ARRB1: variants seen among roughly 807,000 people sequenced by gnomAD.
The protein encoded by ARRB1 is arrestin beta 1.
In ARRB1, 21 loss-of-function variants were observed where a neutral mutation model predicts 56.8. The observed-to-expected ratio is 0.37, with a 90% CI of 0.26 to 0.53. The LOEUF (loss-of-function observed/expected upper bound fraction) is 0.53. Among genes scored for constraint, ARRB1 ranks in the 20% least tolerant of loss-of-function variants. The pLI, the probability that ARRB1 is intolerant of heterozygous loss-of-function variation, is 0.88. For missense variants in ARRB1, 424 were observed against 553.7 expected (o/e 0.77, Z 2.35); for synonymous variants, 210 against 218.6 (o/e 0.96, Z 0.35).
At chr11:75,299,689 T>C (rs1591943894) in intron 1 of ARRB1, among the ~76,000 whole-genome samples, 1 of 152,266 alleles carries the variant, frequency 6.6e-6, no homozygotes, top group Non-Finnish European at 1.5e-5. Flanking sequence ...GTGTCCCCAT[T>C]CATAGCACTT....
intron 13 of ARRB1, 122 bp downstream of exon 13, chr11:75,271,579 G>T: frequency 1.8e-6 from 2 of 1,106,600 alleles, no homozygotes; most frequent in Non-Finnish European, 2.5e-6. Context: ...CCTGAACCTG[G>T]CTATCTGAAA....
intron 2 of ARRB1, among the ~76,000 whole-genome samples, chr11:75,288,925 C>T (rs1484695679): frequency 6.6e-6 from 1 of 152,220 alleles, no homozygotes; most frequent in Non-Finnish European, 1.5e-5. Flanking sequence ...CTACTGCCGC[C>T]TGAAACCCAT....
intron 1 of ARRB1, among the ~76,000 whole-genome samples, chr11:75,292,267 G>A (rs1020283261): frequency 4.6e-5 from 7 of 152,076 alleles, no homozygotes; most frequent in Non-Finnish European, 8.8e-5. Context: ...AGCCTCCCCT[G>A]TAGCTAGGAT....
intron 1 of ARRB1, among the ~76,000 whole-genome samples, chr11:75,296,723 G>C (rs1946759068): frequency 6.6e-6 from 1 of 151,928 alleles, no homozygotes; most frequent in Non-Finnish European, 1.5e-5. Flanking sequence ...TGTCACCCAG[G>C]CTGGAGTACA....
chr11:75,321,570 G>T (rs1947350306), intron 1 of ARRB1, among the ~76,000 whole-genome samples: 1 of 152,052 alleles, frequency 6.6e-6, no homozygotes, highest in Non-Finnish European at 1.5e-5. Context: ...GGAATTTAGG[G>T]GTCCTTCTTT....
At position 75,263,538 on chromosome 11, in the gene ARRB1, C is replaced by G. The variant is rs967420978; in HGVS notation, c.*2625G>C. ...ATCAAGGCACCATAGGGACCAGCAG[C>G]CACCAGGAGCCCTGAAGGCAACTGC... On this transcript the variant is annotated 3_prime_UTR_variant, in exon 16 of 16. Transcript: ENST00000420843. 1.3e-5 allele frequency among the ~76,000 whole-genome samples: 2 copies of G among 152,232 alleles called. No homozygotes were observed. The highest frequency in any genetic ancestry group is 4.8e-5 in the African/African-American group (2 of 41,452).
intron 1 of ARRB1, among the ~76,000 whole-genome samples, chr11:75,344,223 G>T (rs913915281): frequency 6.6e-6 from 1 of 152,078 alleles, no homozygotes; most frequent in African/African-American, 2.4e-5. Context: ...TTCCTTCCTG[G>T]CCGCCAGCAC....
rs940442200 is a variant in ARRB1 at position 75,306,136 on chromosome 11, C to T, written c.21-16097G>A. ...CGCTGGAGGCCCTGGCCACCTGACTCCCCATCCCTGCTCTGTGCCCAGCTC... is the reference window on the plus strand; with the variant it reads ...CGCTGGAGGCCCTGGCCACCTGACTTCCCATCCCTGCTCTGTGCCCAGCTC... On this transcript the variant is annotated intron_variant, in intron 1 of 15. Transcript: ENST00000420843. Among the ~76,000 whole-genome samples, 7 of 152,272 alleles carry T rather than the reference C, an allele frequency of 4.6e-5. No homozygotes were observed. The South Asian group carries it at 1.5e-3, about 32-fold the overall frequency.
intron 13 of ARRB1, among the ~76,000 whole-genome samples, chr11:75,269,726 C>T (rs1413020622): frequency 1.3e-5 from 2 of 152,216 alleles, no homozygotes; most frequent in Non-Finnish European, 2.9e-5. Context: ...ATTATTATCC[C>T]CAATGTACAG....
At chr11:75,331,012 T>C (rs1428034978) in intron 1 of ARRB1, among the ~76,000 whole-genome samples, 8 of 152,222 alleles carry the variant, frequency 5.3e-5, no homozygotes, top group African/African-American at 1.9e-4. Context: ...ATTTCAGATG[T>C]TGAGGACTAA....
chr11:75,289,924 G>T, intron 2 of ARRB1, 85 bp downstream of exon 2: 2 of 1,590,628 alleles, frequency 1.3e-6, no homozygotes, highest in South Asian at 1.1e-5. Flanking sequence ...CATTTCAGGG[G>T]ACATGCCGTT....
chr11:75,283,860 G>A (rs977021014), intron 4 of ARRB1, among the ~76,000 whole-genome samples: 9 of 152,164 alleles, frequency 5.9e-5, no homozygotes, highest in African/African-American at 2.2e-4. Flanking sequence ...GGCAGGGCAA[G>A]TGCTGGGTGG....
At chr11:75,311,134 C>T (rs542459539) in intron 1 of ARRB1, among the ~76,000 whole-genome samples, 3 of 152,200 alleles carry the variant, frequency 2.0e-5, no homozygotes, top group East Asian at 1.9e-4. Context: ...GTCAGGAATT[C>T]GAGACCAGCC....
chr11:75,297,616 G>C (rs1228783230), intron 1 of ARRB1, among the ~76,000 whole-genome samples: 1 of 152,006 alleles, frequency 6.6e-6, no homozygotes, highest in Non-Finnish European at 1.5e-5. Flanking sequence ...TGTAATCCCA[G>C]CACTTTGGGA....
At chr11:75,309,649 T>C (rs12365936) in intron 1 of ARRB1, among the ~76,000 whole-genome samples, 2 of 151,912 alleles carry the variant, frequency 1.3e-5, no homozygotes, top group Non-Finnish European at 2.9e-5. Flanking sequence ...GGAGGCTAGG[T>C]AGGTGGGAGG....
intron 1 of ARRB1, among the ~76,000 whole-genome samples, chr11:75,305,036 T>TTTTTTTTTTTTTTTTTTA (rs1946996146): frequency 7.1e-6 from 1 of 140,416 alleles, no homozygotes; most frequent in Non-Finnish European, 1.5e-5. Context: ...TTTTTTTTTT[T>TTTTTTTTTTTTTTTTTTA]TTTTGAGACA....
chr11:75,313,960 C>T (rs143752183), intron 1 of ARRB1, among the ~76,000 whole-genome samples: 20 of 152,332 alleles, frequency 1.3e-4, no homozygotes, highest in Admixed American at 6.5e-4. Flanking sequence ...AACCTGATCA[C>T]GTGCCTCCTC....
intron 1 of ARRB1, among the ~76,000 whole-genome samples, chr11:75,298,471 C>T (rs1173627770): frequency 6.6e-6 from 1 of 152,172 alleles, no homozygotes; most frequent in Non-Finnish European, 1.5e-5. Context: ...CATCAGTCAT[C>T]AGTCAAAACT....
chr11:75,325,823 G>A (rs1225455657), intron 1 of ARRB1, among the ~76,000 whole-genome samples: 1 of 152,132 alleles, frequency 6.6e-6, no homozygotes, highest in Non-Finnish European at 1.5e-5. Context: ...CACTAACCTT[G>A]TGCGTAAAGG....
Sources: gnomAD v4.1 joint callset for allele counts (sites outside exome capture counted in the v4.1 genomes callset) on GRCh38, gnomAD v4.1.1 for gene constraint, MANE v1.5 for transcripts, NCBI Gene and HGNC (gene_info 2026-07-23, HGNC 2026-07-21) for gene names.